Variants in CEP68 observed in about 807,000 individuals in gnomAD.
CEP68 encodes the protein centrosomal protein 68, also known as centrosomal protein of 68 kDa.
A neutral mutation model predicts 55.3 loss-of-function variants in CEP68; 26 were observed. The observed-to-expected ratio is 0.47, with a 90% CI of 0.34 to 0.65. CEP68 has a LOEUF of 0.65. CEP68 is among the 30% of genes least tolerant of loss of function. CEP68 has a pLI of 0.01. For synonymous variants in CEP68, 402 were observed against 383.2 expected, an observed-to-expected ratio of 1.05 and a Z score of -0.57; for missense variants, 957 against 946.7, an observed-to-expected ratio of 1.01 and a Z score of -0.14.
At chr2:65,082,456 A>G in intron 5 of CEP68, 80 bp from the exon 6 acceptor site, 1 of 1,298,422 alleles carries the variant, frequency 7.7e-7, no homozygotes, top group East Asian at 2.7e-5. Flanking sequence ...ATACCCTTGT[A>G]TGTTCTTTTG....
intron 4 of CEP68, among the ~76,000 whole-genome samples, chr2:65,077,608 T>G (rs1676825844): frequency 6.6e-6 from 1 of 152,116 alleles, no homozygotes. Context: ...TCCAAGCTGT[T>G]TGTGAGCCAG....
In CEP68 at chr2:65,071,965, C is replaced by T. The variant is rs1553385702; in HGVS notation, c.869C>T (p.Ser290Phe). Residue 290 changes from serine to phenylalanine, a missense_variant, in exon 3 of 7, where the codon TCC becomes TTC. Transcript: ENST00000377990. ...DSLPPSPDRH[S>F]PLWNPNKEYE... ...CTGCCTCCATCACCCGACCGCCACTCCCCTCTCTGGAACCCAAATAAAGAG... is the reference window on the plus strand; with the variant it reads ...CTGCCTCCATCACCCGACCGCCACTTCCCTCTCTGGAACCCAAATAAAGAG... The T allele has an allele frequency of 2.7e-5, 44 of 1,612,940 alleles. 1 individual carries two copies. In the South Asian group the frequency reaches 4.8e-4, roughly 18 times the overall value.
chr2:65,067,016 G>C (rs1676221125), intron 1 of CEP68, among the ~76,000 whole-genome samples: 1 of 150,954 alleles, frequency 6.6e-6, no homozygotes, highest in South Asian at 2.1e-4. Context: ...GATATTTTTT[G>C]TAGAGAAAAG....
chr2:65,084,077 CT>C lies in CEP68; in HGVS notation c.*447del, dbSNP rs1668949588. 1 of 152,136 alleles carries C rather than the reference CT, an allele frequency of 6.6e-6. No homozygotes were observed. Among genetic ancestry groups the C allele is most frequent in the Non-Finnish European group, 1.5e-5 (1 of 68,028 alleles). The allele number at this position is 152,136 out of a possible 1,614,324, so 9.4% of individuals were successfully genotyped here. A position where few individuals can be genotyped will look rare whatever the true frequency, so the allele number is the denominator to read the frequency against. On this transcript the variant is annotated 3_prime_UTR_variant, in exon 7 of 7. Coordinates refer to ENST00000377990, the MANE Select transcript of CEP68 (RefSeq NM_015147.3). ...GAATTGTTGGCCAGAAACCTTGGGT[CT>C]TTTCATAAAAGGAAATTTGGGCTTG...
At chr2:65,073,974 A>G (rs926687797) in intron 3 of CEP68, 2 of 268,754 alleles carry the variant, frequency 7.4e-6, no homozygotes, top group Non-Finnish European at 1.4e-5. Flanking sequence ...TGCTGATTCT[A>G]GTTAGTAATG....
chr2:65,077,780 G>A, intron 4 of CEP68, 88 bp from the exon 5 acceptor site: 1 of 938,068 alleles, frequency 1.1e-6, no homozygotes, highest in Non-Finnish European at 1.6e-6. Flanking sequence ...GGGGAATAAG[G>A]CTTCCCTACA....
chr2:65,060,993 A>G (rs912235110), intron 1 of CEP68, among the ~76,000 whole-genome samples: 4 of 152,206 alleles, frequency 2.6e-5, no homozygotes, highest in African/African-American at 9.6e-5. Flanking sequence ...CCTGGCCAAC[A>G]TGGTGAAACC....
At chr2:65,065,970 A>C (rs534167203) in intron 1 of CEP68, among the ~76,000 whole-genome samples, 299 of 151,942 alleles carry the variant, frequency 2.0e-3, no homozygotes, top group Admixed American at 3.4e-3. Flanking sequence ...AAAAAAAAAA[A>C]AACACAAGAT....
chr2:65,061,335 C>G (rs1168671040), intron 1 of CEP68, among the ~76,000 whole-genome samples: 1 of 152,302 alleles, frequency 6.6e-6, no homozygotes, highest in South Asian at 2.1e-4. Context: ...CCACAGCCCT[C>G]CCTACCGCAT....
At chr2:65,063,200 AC>A (rs1675996432) in intron 1 of CEP68, among the ~76,000 whole-genome samples, 4 of 152,238 alleles carry the variant, frequency 2.6e-5, no homozygotes, top group African/African-American at 7.2e-5. Context: ...GGTTCTGGAA[AC>A]TAACAGAATT....
intron 3 of CEP68, chr2:65,073,328 TTG>T (rs1676593474): frequency 2.8e-6 from 1 of 360,630 alleles, no homozygotes; most frequent in East Asian, 7.1e-5. Flanking sequence ...AAAAAAGGTT[TTG>T]TGCACAGATG....
At chr2:65,067,417 G>A (rs1676248913) in intron 1 of CEP68, among the ~76,000 whole-genome samples, 1 of 152,112 alleles carries the variant, frequency 6.6e-6, no homozygotes, top group Admixed American at 6.5e-5. Context: ...GATGAACATA[G>A]ATATTTGCAT....
At chr2:65,061,240 T>C (rs1188664712) in intron 1 of CEP68, among the ~76,000 whole-genome samples, 2 of 152,168 alleles carry the variant, frequency 1.3e-5, no homozygotes, top group Non-Finnish European at 2.9e-5. Flanking sequence ...TTGGCCTTGC[T>C]GGGAGGCTGT....
At position 65,086,034 on chromosome 2, in the gene CEP68, C is replaced by T. The variant is rs1669017807; in HGVS notation, c.*2400C>T. 6.6e-6 allele frequency: 1 copy of T among 152,028 alleles called. No homozygotes were observed. Among genetic ancestry groups the T allele is most frequent in the Non-Finnish European group, 1.5e-5 (1 of 68,032 alleles). 9.4% of individuals were successfully genotyped at this position (152,028 alleles called of 1,614,324 possible). A position where few individuals can be genotyped will look rare whatever the true frequency, so the allele number is the denominator to read the frequency against. On this transcript the variant is annotated 3_prime_UTR_variant, in exon 7 of 7. Transcript: ENST00000377990. ...GATCAGCAGTTTCAAGATCTGGGTT[C>T]TTGGAGATCCATAGGTAAGCTCAGC...
intron 4 of CEP68, among the ~76,000 whole-genome samples, chr2:65,075,532 T>C (rs929903973): frequency 9.2e-5 from 14 of 152,242 alleles, no homozygotes; most frequent in African/African-American, 3.4e-4. Flanking sequence ...TTTGTTAACT[T>C]GGTCCTAGAT....
chr2:65,082,745 C>T, intron 6 of CEP68, 36 bp downstream of exon 6: 1 of 1,500,644 alleles, frequency 6.7e-7, no homozygotes, highest in Non-Finnish European at 8.9e-7. Flanking sequence ...ATTTGCCCAC[C>T]AACCCTGCTG....
intron 1 of CEP68, among the ~76,000 whole-genome samples, chr2:65,062,351 TG>T (rs1675950270): frequency 6.6e-6 from 1 of 151,922 alleles, no homozygotes; most frequent in Non-Finnish European, 1.5e-5. Flanking sequence ...CTGGCCAACA[TG>T]GTTAAACCCC....
At chr2:65,065,840 C>T (rs1320137062) in intron 1 of CEP68, among the ~76,000 whole-genome samples, 1 of 151,816 alleles carries the variant, frequency 6.6e-6, no homozygotes, top group Non-Finnish European at 1.5e-5. Context: ...TCTGTAGTCC[C>T]AGCTACTCAG....
At chr2:65,074,510 C>T (rs775273270) in intron 4 of CEP68, 106 bp downstream of exon 4, 140 of 1,494,420 alleles carry the variant, frequency 9.4e-5, no homozygotes, top group Middle Eastern at 1.7e-4. Flanking sequence ...TGTTATAGCT[C>T]AGTTGACTAT....
Sources: allele counts gnomAD v4.1 joint callset (sites outside exome capture counted in the v4.1 genomes callset), GRCh38; gene constraint gnomAD v4.1.1; transcripts MANE v1.5; gene names NCBI Gene and HGNC (gene_info 2026-07-23, HGNC 2026-07-21).